The following ASTN2 variants were observed in gnomAD, a reference collection of about 807,000 sequenced individuals.
ASTN2 encodes the protein astrotactin-2.
A neutral mutation model predicts 139.8 loss-of-function variants in ASTN2; 54 were observed. That is an observed-to-expected ratio of 0.39 (90% CI 0.31 to 0.48). The LOEUF (loss-of-function observed/expected upper bound fraction) is 0.48, where lower values mean the gene tolerates loss of function less well. Ranked by LOEUF, ASTN2 falls within the 20% of genes least tolerant of loss-of-function variation. The pLI, the probability that ASTN2 is intolerant of heterozygous loss-of-function variation, is 0.95. For synonymous variants in ASTN2, 756 were observed against 719.5 expected (o/e 1.05, Z -0.81); for missense variants, 1,565 against 1,725.1 (o/e 0.91, Z 1.64).
chr9:117,019,182 G>GA lies in ASTN2; in HGVS notation c.1424-10924dup, dbSNP rs201661911. Among the ~76,000 whole-genome samples the GA allele has an allele frequency of 3.0e-3, 452 of 149,028 alleles. 1 individual carries two copies. The highest frequency in any genetic ancestry group is 9.2e-3 in the African/African-American group (374 of 40,588). On this transcript the variant is annotated intron_variant, in intron 6 of 22. Transcript: ENST00000313400. The stretch of plus-strand genomic sequence containing the variant: ...ATCATACCATGTTGAAAGAGAGGGA[G>GA]AAAAAAAAACAAAGAAGTCAGGGAG...
At chr9:117,007,996 C>T (rs1837405323) in intron 7 of ASTN2, 96 bp downstream of exon 7, 1 of 1,353,190 alleles carries the variant, frequency 7.4e-7, no homozygotes, top group South Asian at 1.8e-5. Flanking sequence ...TTGTCAATGG[C>T]TCAGAATCCA....
intron 19 of ASTN2, among the ~76,000 whole-genome samples, chr9:116,610,502 G>A (rs1301826220): frequency 6.6e-6 from 1 of 152,110 alleles, no homozygotes; most frequent in African/African-American, 2.4e-5. Context: ...TACTCAGGAG[G>A]CTAAGGCAGG....
chr9:116,528,729 A>C (rs1340972878), intron 19 of ASTN2, among the ~76,000 whole-genome samples: 1 of 152,180 alleles, frequency 6.6e-6, no homozygotes, highest in Non-Finnish European at 1.5e-5. Context: ...TGCTCTATGC[A>C]GCCTTGGGAC....
At chr9:116,428,662 G>A (rs1847389118) in intron 22 of ASTN2, among the ~76,000 whole-genome samples, 1 of 152,272 alleles carries the variant, frequency 6.6e-6, no homozygotes, top group South Asian at 2.1e-4. Context: ...TTGAAGCCTA[G>A]GAACTAGGGC....
chr9:116,841,752 C>G (rs1832267930), intron 11 of ASTN2, among the ~76,000 whole-genome samples: 1 of 152,012 alleles, frequency 6.6e-6, no homozygotes, highest in Non-Finnish European at 1.5e-5. Flanking sequence ...TGAGAGGATC[C>G]CAGGAGGTCA....
At chr9:117,085,376 T>C (rs534379897) in intron 5 of ASTN2, among the ~76,000 whole-genome samples, 1 of 152,320 alleles carries the variant, frequency 6.6e-6, no homozygotes, top group Admixed American at 6.5e-5. Context: ...ATATTTTAAG[T>C]ATTTTCCAGT....
In ASTN2 at chr9:117,060,585, C is replaced by CAGGCAGGAAGGAAGGA. The variant is rs373697206; in HGVS notation, c.1277-20621_1277-20620insTCCTTCCTTCCTGCCT. ...GAAAGAGGGAGGGAGGGAAAGAAGG[C>CAGGCAGGAAGGAAGGA]AGGAAGGAAGGAAGGAAGGAAGGGC... On this transcript the variant is annotated intron_variant, in intron 5 of 22. Transcript: ENST00000313400. 2.2e-4 allele frequency among the ~76,000 whole-genome samples: 29 copies of CAGGCAGGAAGGAAGGA among 132,448 alleles called. 1 individual carries two copies. The highest frequency in any genetic ancestry group is 1.4e-3 in the East Asian group (6 of 4,394). The allele number at this position is 132,448 out of a possible 152,430, so 86.9% of individuals were successfully genotyped here.
At chr9:116,584,270 C>T (rs1428182353) in intron 19 of ASTN2, 3 of 152,174 alleles carry the variant, frequency 2.0e-5, no homozygotes, top group Non-Finnish European at 2.9e-5. Flanking sequence ...AGGCAAGGCC[C>T]TGGCTTTAGG....
intron 11 of ASTN2, among the ~76,000 whole-genome samples, chr9:116,856,217 T>C (rs1011383357): frequency 2.0e-5 from 3 of 152,212 alleles, no homozygotes; most frequent in Non-Finnish European, 2.9e-5. Context: ...GCAAAATCTG[T>C]CTCAGTTGTC....
At chr9:117,152,398 A>C (rs1380563130) in intron 3 of ASTN2, among the ~76,000 whole-genome samples, 1 of 152,086 alleles carries the variant, frequency 6.6e-6, no homozygotes, top group East Asian at 1.9e-4. Flanking sequence ...CAGGGTTTTC[A>C]TCTCCATTCT....
intron 13 of ASTN2, among the ~76,000 whole-genome samples, chr9:116,737,485 G>A (rs1828965636): frequency 6.6e-6 from 1 of 151,596 alleles, no homozygotes; most frequent in Admixed American, 6.6e-5. Flanking sequence ...GTGTGTGTGT[G>A]TGTGTGTGTG....
At chr9:116,836,878 G>A (rs1022079415) in intron 11 of ASTN2, among the ~76,000 whole-genome samples, 3 of 150,964 alleles carry the variant, frequency 2.0e-5, no homozygotes, top group African/African-American at 7.3e-5. Flanking sequence ...CTAGAGCTAA[G>A]AATGGCTTTT....
chr9:116,845,966 A>G (rs1216651309), intron 11 of ASTN2, among the ~76,000 whole-genome samples: 2 of 152,242 alleles, frequency 1.3e-5, no homozygotes, highest in African/African-American at 2.4e-5. Context: ...AAAGGTAGGA[A>G]CAACCAATGT....
Position 117,205,385 on chromosome 9 carries a change from T to C in ASTN2, c.1015+8973A>G, listed in dbSNP as rs537776500. Among the ~76,000 whole-genome samples the C allele has an allele frequency of 2.6e-5, 4 of 152,272 alleles. No individual in the cohort carries two copies. In the East Asian group the frequency reaches 7.7e-4, roughly 29 times the overall value. On this transcript the variant is annotated intron_variant, in intron 3 of 22. Transcript: ENST00000313400. ...GTAGGTATTTTACACATCTTTTATT[T>C]TTATATCTAATCCTCCCATTAACCC...
At chr9:116,797,455 C>G (rs1830732315) in intron 13 of ASTN2, among the ~76,000 whole-genome samples, 1 of 152,032 alleles carries the variant, frequency 6.6e-6, no homozygotes, top group Non-Finnish European at 1.5e-5. Flanking sequence ...AAAATTCACC[C>G]CTTGACTCCT....
chr9:116,540,920 A>C (rs542492240), intron 19 of ASTN2, among the ~76,000 whole-genome samples: 1 of 152,130 alleles, frequency 6.6e-6, no homozygotes, highest in Non-Finnish European at 1.5e-5. Context: ...CCATATTATG[A>C]AACAGTATAT....
In ASTN2 at chr9:116,880,538, G is replaced by A. The variant is rs188664419; in HGVS notation, c.1890-16805C>T. 2.4e-4 allele frequency among the ~76,000 whole-genome samples: 36 copies of A among 152,246 alleles called. No homozygotes were observed. The East Asian group carries it at 6.2e-3, about 26-fold the overall frequency. On this transcript the variant is annotated intron_variant, in intron 10 of 22. Coordinates refer to ENST00000313400, the MANE Select transcript of ASTN2 (RefSeq NM_001365068.1). ...AGTAAATAAACAAAAGCTTTCAGGG[G>A]TTTGCCCTTGCGCAAATGACCTCCC...
intron 19 of ASTN2, among the ~76,000 whole-genome samples, chr9:116,573,855 G>T (rs1853619783): frequency 6.6e-6 from 1 of 152,158 alleles, no homozygotes; most frequent in South Asian, 2.1e-4. Flanking sequence ...GCCAACTCCT[G>T]TGAGTATGAT....
chr9:117,025,103 G>A (rs1197362713), intron 6 of ASTN2, among the ~76,000 whole-genome samples: 2 of 152,034 alleles, frequency 1.3e-5, no homozygotes, highest in African/African-American at 2.4e-5. Flanking sequence ...TATTAGTAGC[G>A]TGAGAACAGA....
Sources: gnomAD v4.1 joint callset for allele counts (sites outside exome capture counted in the v4.1 genomes callset) on GRCh38, gnomAD v4.1.1 for gene constraint, MANE v1.5 for transcripts, NCBI Gene and HGNC (gene_info 2026-07-23, HGNC 2026-07-21) for gene names.